Variants in STIM2 observed in about 807,000 individuals in gnomAD.
STIM2 encodes stromal interaction molecule 2.
A neutral mutation model predicts 85.8 loss-of-function variants in STIM2; 31 were observed. The observed-to-expected ratio is 0.36, with a 90% CI of 0.27 to 0.49. The LOEUF is 0.49. Among genes scored for constraint, STIM2 ranks in the 20% least tolerant of loss-of-function variants. The pLI is 0.98. For missense variants in STIM2, 841 were observed against 927.6 expected (o/e 0.91, Z 1.21); for synonymous variants, 356 against 331.1 (o/e 1.08, Z -0.82).
At chr4:26,918,451 A>G (rs1472133830) in intron 1 of STIM2, among the ~76,000 whole-genome samples, 1 of 152,096 alleles carries the variant, frequency 6.6e-6, no homozygotes, top group Non-Finnish European at 1.5e-5. Context: ...CAGCTAATTG[A>G]TAGTAGGGCC....
At chr4:26,970,199 GTATATATATATATATATATATATGTATA>G (rs1171163125) in intron 3 of STIM2, among the ~76,000 whole-genome samples, 3 of 91,140 alleles carry the variant, frequency 3.3e-5, no homozygotes, top group African/African-American at 1.1e-4. Flanking sequence ...TAGTGTGTGT[GTATATATATATATATATATATATGTATA>G]TATATATATA....
In STIM2 at chr4:26,955,170, T is replaced by G. The variant is rs896508698; in HGVS notation, c.283-2442T>G. The stretch of plus-strand genomic sequence containing the variant: ...TAAAAAATTAAAAAAATCTTTTATT[T>G]TGTTAAGTATGTTTGGCATATATCC... On this transcript the variant is annotated intron_variant, in intron 2 of 11. Transcript: ENST00000467087. Among the ~76,000 whole-genome samples, 39 of 147,278 alleles carry G rather than the reference T, an allele frequency of 2.6e-4. 5 individuals are homozygous for G. Among genetic ancestry groups the G allele is most frequent in the African/African-American group, 9.9e-4 (38 of 38,472 alleles).
At chr4:26,928,977 A>T (rs1035621795) in intron 2 of STIM2, among the ~76,000 whole-genome samples, 1 of 152,220 alleles carries the variant, frequency 6.6e-6, no homozygotes, top group African/African-American at 2.4e-5. Flanking sequence ...ACCTAAAAGA[A>T]TGTAGAAATC....
intron 1 of STIM2, among the ~76,000 whole-genome samples, chr4:26,894,963 G>A (rs1723642848): frequency 1.3e-5 from 2 of 152,258 alleles, no homozygotes; most frequent in African/African-American, 2.4e-5. Context: ...TGTAATGCCA[G>A]CACTTTGGAA....
At chr4:26,956,811 G>GATA in intron 2 of STIM2, among the ~76,000 whole-genome samples, 1 of 152,072 alleles carries the variant, frequency 6.6e-6, no homozygotes, top group African/African-American at 2.4e-5. Context: ...ATATTATGCT[G>GATA]TTGAATATAA....
chr4:26,921,239 G>T (rs1334151217), intron 2 of STIM2, among the ~76,000 whole-genome samples: 2 of 152,172 alleles, frequency 1.3e-5, no homozygotes, highest in South Asian at 2.1e-4. Context: ...TAAGAGAAAG[G>T]CATGGAACAG....
chr4:27,023,109 C>T lies in STIM2; in HGVS notation c.*113C>T, dbSNP rs1200952625. 3 of 1,024,766 alleles carry T rather than the reference C, an allele frequency of 2.9e-6. No individual in the cohort carries two copies. The highest frequency in any genetic ancestry group is 3.1e-5 in the South Asian group (2 of 64,376). 63.5% of individuals were successfully genotyped at this position (1,024,766 alleles called of 1,614,324 possible). ...TTTTAGGAATGTAACTCCATTGGGG[C>T]TTTCCAGGCCGGATGCCATAGTGGA... On this transcript the variant is annotated 3_prime_UTR_variant, in exon 12 of 12. Coordinates refer to ENST00000467087, the MANE Select transcript of STIM2 (RefSeq NM_020860.4).
At chr4:26,983,705 A>G (rs548046871) in intron 3 of STIM2, among the ~76,000 whole-genome samples, 3 of 152,244 alleles carry the variant, frequency 2.0e-5, no homozygotes, top group East Asian at 1.9e-4. Flanking sequence ...GGCCTTTGAT[A>G]TAATAAAGAA....
At chr4:26,923,096 G>A (rs1192950680) in intron 2 of STIM2, among the ~76,000 whole-genome samples, 3 of 150,706 alleles carry the variant, frequency 2.0e-5, no homozygotes. Context: ...TAACTGGGAG[G>A]CACCCCCCAG....
At position 27,025,282 on chromosome 4, in the gene STIM2, TTGGACATTTC is replaced by T. The variant is rs1729048565; in HGVS notation, c.*2289_*2298del. 6.6e-6 allele frequency: 1 copy of T among 152,116 alleles called. No individual in the cohort carries two copies. Among genetic ancestry groups the T allele is most frequent in the African/African-American group, 2.4e-5 (1 of 41,426 alleles). 9.4% of individuals were successfully genotyped at this position (152,116 alleles called of 1,614,324 possible). A position where few individuals can be genotyped will look rare whatever the true frequency, so the allele number is the denominator to read the frequency against. On this transcript the variant is annotated 3_prime_UTR_variant, in exon 12 of 12. Coordinates refer to ENST00000467087, the MANE Select transcript of STIM2 (RefSeq NM_020860.4). ...TATTACATCATTTATATGTGAAAAG[TTGGACATTTC>T]TGTAAGTTTTTAAAATTATCCATTT... is the stretch of plus-strand genomic sequence containing the variant.
chr4:26,982,271 CT>C (rs1288163720), intron 3 of STIM2, among the ~76,000 whole-genome samples: 2 of 152,120 alleles, frequency 1.3e-5, no homozygotes, highest in Non-Finnish European at 2.9e-5. Flanking sequence ...CTTATGAATG[CT>C]TTGAAGATTG....
chr4:26,972,299 G>C lies in STIM2; in HGVS notation c.397+14573G>C, dbSNP rs549976036. Among the ~76,000 whole-genome samples the C allele has an allele frequency of 1.5e-4, 23 of 152,280 alleles. No individual in the cohort carries two copies. The South Asian group carries it at 4.6e-3, about 30-fold the overall frequency. ...TATGTTGAATAGGAGTGGTGAGAGA[G>C]GGCGTCCTTGTCTTGTGCTGGTTTT... On this transcript the variant is annotated intron_variant, in intron 3 of 11. Transcript: ENST00000467087.
chr4:26,963,037 A>C (rs994855396), intron 3 of STIM2, among the ~76,000 whole-genome samples: 3 of 152,186 alleles, frequency 2.0e-5, no homozygotes, highest in Non-Finnish European at 4.4e-5. Flanking sequence ...AAGGGTTAAA[A>C]ATTTAAAGCA....
At chr4:26,875,863 A>G (rs1029974747) in intron 1 of STIM2, among the ~76,000 whole-genome samples, 8 of 152,228 alleles carry the variant, frequency 5.3e-5, no homozygotes, top group African/African-American at 1.4e-4. Context: ...AAAAGAAAGT[A>G]CCATAGTAAT....
At chr4:26,889,964 T>C (rs972392558) in intron 1 of STIM2, among the ~76,000 whole-genome samples, 1 of 152,224 alleles carries the variant, frequency 6.6e-6, no homozygotes, top group Non-Finnish European at 1.5e-5. Context: ...CTTCCAATTC[T>C]GTGACCATCT....
chr4:26,963,924 T>C (rs1261727801), intron 3 of STIM2, among the ~76,000 whole-genome samples: 1 of 152,208 alleles, frequency 6.6e-6, no homozygotes, highest in African/African-American at 2.4e-5. Flanking sequence ...TCTTTTGCTC[T>C]TACCATGTAG....
chr4:26,940,270 G>A (rs554952338), intron 2 of STIM2, among the ~76,000 whole-genome samples: 3 of 152,144 alleles, frequency 2.0e-5, no homozygotes, highest in East Asian at 1.9e-4. Flanking sequence ...GTATGTTTTC[G>A]GTAAGATTTT....
intron 2 of STIM2, among the ~76,000 whole-genome samples, chr4:26,939,030 A>G (rs1457657891): frequency 6.6e-6 from 1 of 152,056 alleles, no homozygotes; most frequent in Admixed American, 6.6e-5. Context: ...ATGGTCTGTT[A>G]ATGTTAATAT....
At chr4:26,872,930 A>G (rs1306159065) in intron 1 of STIM2, among the ~76,000 whole-genome samples, 1 of 152,246 alleles carries the variant, frequency 6.6e-6, no homozygotes, top group Non-Finnish European at 1.5e-5. Context: ...AGCATTCCAC[A>G]TGGACAAAGA....
Sources: gnomAD v4.1 joint callset for allele counts (sites outside exome capture counted in the v4.1 genomes callset) on GRCh38, gnomAD v4.1.1 for gene constraint, MANE v1.5 for transcripts, NCBI Gene and HGNC (gene_info 2026-07-23, HGNC 2026-07-21) for gene names.